The following ZC3HAV1 variants were observed in gnomAD, a reference collection of about 807,000 sequenced individuals.
ZC3HAV1 encodes zinc finger CCCH-type containing, antiviral 1.
In ZC3HAV1, 41 loss-of-function variants were observed where a neutral mutation model predicts 86.6. The observed-to-expected ratio is 0.47, with a 90% CI of 0.37 to 0.61. The LOEUF (loss-of-function observed/expected upper bound fraction) is 0.61. Ranked by LOEUF, ZC3HAV1 falls within the 20% of genes least tolerant of loss-of-function variation. ZC3HAV1 has a pLI of 0.00. For missense variants in ZC3HAV1, 964 were observed against 1,141.1 expected (o/e 0.84, Z 2.24); for synonymous variants, 421 against 432.1 (o/e 0.97, Z 0.32).
chr7:139,075,054 T>C (rs991479491), intron 6 of ZC3HAV1, among the ~76,000 whole-genome samples: 1 of 152,120 alleles, frequency 6.6e-6, no homozygotes, highest in African/African-American at 2.4e-5. Context: ...CATTTTGGGT[T>C]AGGACAACCA....
At chr7:139,092,397 G>A (rs1331547638) in intron 1 of ZC3HAV1, among the ~76,000 whole-genome samples, 1 of 152,162 alleles carries the variant, frequency 6.6e-6, no homozygotes, top group African/African-American at 2.4e-5. Flanking sequence ...CTAAAGACAG[G>A]GTTAGTAAAA....
rs890417827 is a variant in ZC3HAV1, at chr7:139,079,708, C to T, written c.1233G>A (p.Arg411=). The T allele has an allele frequency of 1.2e-6, 2 of 1,614,138 alleles. No individual in the cohort carries two copies. Among genetic ancestry groups the T allele is most frequent in the East Asian group, 2.2e-5 (1 of 44,884 alleles). The stretch of plus-strand genomic sequence containing the variant: ...GAGTTCCACTTTTGCCATTGATGAT[C>T]CTGTAGTCTGAGGAAAGCAAGCCTG... ...KGTGLLSSDY[R]IINGKSGTQD... Residue 411 remains arginine (R), a synonymous_variant, in exon 4 of 13, where the codon AGG becomes AGA. Coordinates refer to ENST00000242351, the MANE Select transcript of ZC3HAV1 (RefSeq NM_020119.4).
At chr7:139,100,275 T>C (rs1211822972) in intron 1 of ZC3HAV1, among the ~76,000 whole-genome samples, 1 of 151,952 alleles carries the variant, frequency 6.6e-6, no homozygotes, top group African/African-American at 2.4e-5. Context: ...CTCACGCCTG[T>C]AATCCCAGCA....
intron 8 of ZC3HAV1, among the ~76,000 whole-genome samples, chr7:139,064,442 C>T (rs1816538994): frequency 6.6e-6 from 1 of 152,188 alleles, no homozygotes; most frequent in South Asian, 2.1e-4. Context: ...GAACTACTGA[C>T]CTAGATGATA....
At chr7:139,099,916 A>AAAATAAATAAATAAATAAAT (rs112469477) in intron 1 of ZC3HAV1, among the ~76,000 whole-genome samples, 1 of 149,988 alleles carries the variant, frequency 6.7e-6, no homozygotes, top group African/African-American at 2.5e-5. Context: ...GACAGAACAA[A>AAAATAAATAAATAAATAAAT]AAATAAATAA....
intron 1 of ZC3HAV1, among the ~76,000 whole-genome samples, chr7:139,094,587 C>T (rs373617679): frequency 1.3e-5 from 2 of 151,732 alleles, no homozygotes; most frequent in Non-Finnish European, 1.5e-5. Context: ...TAAAAACAAA[C>T]GACCTTTTCA....
In ZC3HAV1 at chr7:139,055,249, G is replaced by T; in HGVS notation, c.2143C>A (p.Arg715Ser). Residue 715 changes from arginine to serine, a missense_variant, in exon 10 of 13, where the codon CGT becomes AGT. Arg to Ser is a moderately radical substitution (Grantham distance 110). Transcript: ENST00000242351. ...TSSVSLTATFRPQEDFCFLSS... is the reference protein window; with the variant it reads ...TSSVSLTATFSPQEDFCFLSS... ...AGGAAGCAAAAGTCCTCCTGAGGAC[G>T]AAAGGTCGCAGTTAAAGACACTGAC... 1 of 1,613,358 alleles carries T rather than the reference G, an allele frequency of 6.2e-7. No homozygotes were observed.
chr7:139,071,119 T>G (rs1436700152), intron 7 of ZC3HAV1, among the ~76,000 whole-genome samples: 1 of 150,854 alleles, frequency 6.6e-6, no homozygotes, highest in African/African-American at 2.4e-5. Flanking sequence ...TTTTTTTTTT[T>G]GGAGTCTTAC....
In ZC3HAV1 at chr7:139,108,392, G is replaced by C. The variant is rs1360822285; in HGVS notation, c.308+632C>G. On this transcript the variant is annotated intron_variant, in intron 1 of 12. Coordinates refer to ENST00000242351, the MANE Select transcript of ZC3HAV1 (RefSeq NM_020119.4). The surrounding 1 kb of genome is among the most constrained non-coding windows in gnomAD (Gnocchi z 4.2). ...GCGGTCAACTGCGCGCGCCACCGTA[G>C]AGAGACCACCCGGAGGGAAGGCCCG... Among the ~76,000 whole-genome samples the C allele has an allele frequency of 6.6e-6, 1 of 152,126 alleles. No individual in the cohort carries two copies. Among genetic ancestry groups the C allele is most frequent in the Non-Finnish European group, 1.5e-5 (1 of 68,016 alleles).
chr7:139,101,845 C>G (rs140780023), intron 1 of ZC3HAV1, among the ~76,000 whole-genome samples: 4,072 of 151,920 alleles, frequency 0.027, 165 homozygotes, highest in African/African-American at 0.093. Flanking sequence ...TCCCTAATCT[C>G]AAGTACCCAG....
chr7:139,054,768 T>A (rs1373250691), intron 10 of ZC3HAV1, among the ~76,000 whole-genome samples: 1 of 151,882 alleles, frequency 6.6e-6, no homozygotes, highest in Non-Finnish European at 1.5e-5. Flanking sequence ...CTAAGAGTGT[T>A]TGTTGTTGTT....
In ZC3HAV1 at chr7:139,064,642, G is replaced by A. The variant is rs566508739; in HGVS notation, c.1993+237C>T. 3.2e-4 allele frequency among the ~76,000 whole-genome samples: 48 copies of A among 152,250 alleles called. No individual in the cohort carries two copies. In the South Asian group the frequency reaches 6.2e-3, roughly 20 times the overall value. On this transcript the variant is annotated intron_variant, in intron 8 of 12. Transcript: ENST00000242351. The stretch of plus-strand genomic sequence containing the variant: ...TTTGAGCCCCTGATTTTGCAGTTGA[G>A]AGAAGTGGGCCTAGATAGGCCAGGT...
chr7:139,109,394 G>A lies in ZC3HAV1; in HGVS notation c.-63C>T. Reference sequence around the variant, plus strand: ...CTCGGTTCCGCGGAAATCGGAAATCGAAACTTACAAGTGTCCAGGGGCGGG... The same window carrying A: ...CTCGGTTCCGCGGAAATCGGAAATCAAAACTTACAAGTGTCCAGGGGCGGG... On this transcript the variant is annotated 5_prime_UTR_variant, in exon 1 of 13. Coordinates refer to ENST00000242351, the MANE Select transcript of ZC3HAV1 (RefSeq NM_020119.4). 1 of 1,471,836 alleles carries A rather than the reference G, an allele frequency of 6.8e-7. No individual in the cohort carries two copies. The highest frequency in any genetic ancestry group is 9.0e-7 in the Non-Finnish European group (1 of 1,113,794). 91.2% of individuals were successfully genotyped at this position (1,471,836 alleles called of 1,614,324 possible).
intron 2 of ZC3HAV1, 121 bp from the exon 3 acceptor site, chr7:139,084,153 A>G (rs146511062): frequency 3.7e-5 from 49 of 1,315,426 alleles, no homozygotes; most frequent in African/African-American, 3.7e-4. Context: ...CCAAAGGGGG[A>G]AAAATACATG....
chr7:139,079,624 T>C lies in ZC3HAV1; in HGVS notation c.1317A>G (p.Ile439Met), dbSNP rs1817064905. Residue 439 changes from isoleucine to methionine, a missense_variant, in exon 4 of 13, where the codon ATA (isoleucine) becomes ATG (methionine). By Grantham distance (10) the Ile-to-Met change is conservative. Transcript: ENST00000242351. ...NNNADGVATD[I>M]TSTRSLNYKS... ...TGTAATTTAAGGATCTGGTAGAAGT[T>C]ATATCTGTGGCCACTCCATCAGCAT... 1.2e-6 allele frequency: 2 copies of C among 1,614,166 alleles called. No homozygotes were observed. The highest frequency in any genetic ancestry group is 1.7e-6 in the Non-Finnish European group (2 of 1,180,018).
chr7:139,103,478 T>A (rs984847267), intron 1 of ZC3HAV1, among the ~76,000 whole-genome samples: 2 of 152,140 alleles, frequency 1.3e-5, no homozygotes, highest in Non-Finnish European at 2.9e-5. Flanking sequence ...AAAAGTCTGA[T>A]AACACCAAGC....
At chr7:139,088,440 T>G (rs934881562) in intron 2 of ZC3HAV1, among the ~76,000 whole-genome samples, 2 of 152,194 alleles carry the variant, frequency 1.3e-5, no homozygotes, top group Admixed American at 1.3e-4. Context: ...GTCACATCTT[T>G]TAAAAAAGGA....
Position 139,051,337 on chromosome 7 carries a change from C to T in ZC3HAV1, c.2449+2114G>A, listed in dbSNP as rs942318221. On this transcript the variant is annotated intron_variant, in intron 12 of 12. Transcript: ENST00000242351. ...TCTCCCAAAGTGCTGGGATTACAGG[C>T]GAAGCTGCCGCGCCTGACCTGGATC... 4.5e-4 allele frequency among the ~76,000 whole-genome samples: 69 copies of T among 151,850 alleles called. 1 individual carries two copies. The highest frequency in any genetic ancestry group is 1.2e-4 in the Non-Finnish European group (8 of 67,972).
intron 8 of ZC3HAV1, 64 bp from the exon 9 acceptor site, chr7:139,061,202 G>A: frequency 6.6e-7 from 1 of 1,518,548 alleles, no homozygotes; most frequent in Non-Finnish European, 9.0e-7. Flanking sequence ...ATGACTTCTT[G>A]TTATTTTGCA....
Sources: gnomAD v4.1 joint callset for allele counts (sites outside exome capture counted in the v4.1 genomes callset) on GRCh38, gnomAD v4.1.1 for gene constraint, Gnocchi (gnomAD v3.1) non-coding constraint, MANE v1.5 for transcripts, NCBI Gene and HGNC (gene_info 2026-07-23, HGNC 2026-07-21) for gene names.